Variants in PARVB observed in about 807,000 individuals in gnomAD.
PARVB encodes the protein beta-parvin.
Under a neutral mutation model 47.0 loss-of-function variants are expected in PARVB, and 46 were observed. The ratio of observed to expected loss-of-function variants is 0.98; its 90% CI spans 0.77 to 1.25. The LOEUF is 1.25. Among genes scored for constraint, PARVB ranks in the 50% most tolerant of loss-of-function variants. The probability of loss-of-function intolerance (pLI) is 0.00; values close to 1 mark genes in which losing one functional copy is unlikely to be tolerated. For missense variants in PARVB, 473 were observed against 471.6 expected (o/e 1.00, Z -0.03); for synonymous variants, 196 against 196.3 (o/e 1.00, Z 0.01).
At chr22:44,076,747 A>G (rs957102543) in intron 1 of PARVB, among the ~76,000 whole-genome samples, 1 of 151,714 alleles carries the variant, frequency 6.6e-6, no homozygotes, top group African/African-American at 2.4e-5. Flanking sequence ...CTCAGGTGAG[A>G]TGCTGAGGGC....
chr22:44,073,435 G>A (rs71330710), intron 1 of PARVB, among the ~76,000 whole-genome samples: 4 of 152,196 alleles, frequency 2.6e-5, no homozygotes, highest in African/African-American at 4.8e-5. Context: ...CAGAGGTTGC[G>A]GTGAGCGGAG....
rs1321267795 is a variant in PARVB at position 44,161,112 on chromosome 22, TGTG to T, written c.946-2745_946-2743del. On this transcript the variant is annotated intron_variant, in intron 11 of 12. Coordinates refer to ENST00000338758, the MANE Select transcript of PARVB (RefSeq NM_013327.5). ...CATCTCGATTTGGGGTCAAGCCTGT[TGTG>T]TGTGTGTGTGTGTGCACGTGTGCAT... 1.0e-4 allele frequency among the ~76,000 whole-genome samples: 15 copies of T among 149,810 alleles called. No homozygotes were observed. In the East Asian group the frequency reaches 3.0e-3, roughly 30 times the overall value.
At chr22:44,126,679 C>G (rs992212883) in intron 4 of PARVB, among the ~76,000 whole-genome samples, 2 of 152,182 alleles carry the variant, frequency 1.3e-5, no homozygotes, top group African/African-American at 2.4e-5. Flanking sequence ...AGCAGTCCCC[C>G]CAATTGGTAC....
chr22:44,024,475 G>T, intron 1 of PARVB, 24 bp downstream of exon 1: 1 of 1,114,942 alleles, frequency 9.0e-7, no homozygotes, highest in South Asian at 3.8e-5. Flanking sequence ...CGCGCCCGCC[G>T]ACCCCCGGGG....
intron 3 of PARVB, chr22:44,104,230 A>G (rs2052517399): frequency 6.6e-6 from 1 of 152,210 alleles, no homozygotes; most frequent in Non-Finnish European, 1.5e-5. Flanking sequence ...GAGACAGGCA[A>G]ATTCTGGAAG....
upstream of PARVB, among the ~76,000 whole-genome samples, chr22:44,020,069 C>T (rs889064520): frequency 1.3e-5 from 2 of 152,154 alleles, no homozygotes; most frequent in African/African-American, 2.4e-5. Flanking sequence ...AGTTCTGCAG[C>T]GGCGCCAGCT....
intron 2 of PARVB, among the ~76,000 whole-genome samples, chr22:44,001,763 C>G (rs1395781499): frequency 6.6e-6 from 1 of 152,166 alleles, no homozygotes; most frequent in Non-Finnish European, 1.5e-5. Flanking sequence ...AAATGTCTGC[C>G]AGATACCCAC....
At chr22:44,119,304 T>G (rs2052987276) in intron 4 of PARVB, among the ~76,000 whole-genome samples, 164 bp downstream of exon 4, 1 of 152,182 alleles carries the variant, frequency 6.6e-6, no homozygotes, top group Non-Finnish European at 1.5e-5. Flanking sequence ...GGGCTGTGGC[T>G]TCAGGGTCCT....
chr22:44,122,714 A>T (rs2053098335), intron 4 of PARVB, among the ~76,000 whole-genome samples: 1 of 152,128 alleles, frequency 6.6e-6, no homozygotes, highest in Non-Finnish European at 1.5e-5. Context: ...CCATATACAC[A>T]CCTACTCATT....
chr22:44,104,018 G>A (rs769098472), intron 3 of PARVB: 2 of 152,230 alleles, frequency 1.3e-5, no homozygotes, highest in African/African-American at 2.4e-5. Context: ...TGTTACAGTA[G>A]CCACAAGCAA....
chr22:44,006,722 G>C (rs2050469275), intron 2 of PARVB, among the ~76,000 whole-genome samples: 1 of 152,234 alleles, frequency 6.6e-6, no homozygotes, highest in African/African-American at 2.4e-5. Flanking sequence ...GTGCAGTCAG[G>C]ATTGAGGAGC....
At chr22:44,134,351 G>A (rs1183673147) in intron 6 of PARVB, among the ~76,000 whole-genome samples, 1 of 152,174 alleles carries the variant, frequency 6.6e-6, no homozygotes, top group Admixed American at 6.5e-5. Flanking sequence ...ACAGGCAGCC[G>A]GCCTGAAAAG....
intron 1 of PARVB, among the ~76,000 whole-genome samples, chr22:44,075,011 T>C (rs1236719651): frequency 6.6e-6 from 1 of 151,968 alleles, no homozygotes; most frequent in Non-Finnish European, 1.5e-5. Flanking sequence ...CATTGCGGGG[T>C]GTTGAGCGGC....
chr22:44,056,014 C>T (rs866219926), intron 1 of PARVB, among the ~76,000 whole-genome samples: 33 of 152,374 alleles, frequency 2.2e-4, no homozygotes, highest in African/African-American at 7.5e-4. Flanking sequence ...CCCACCCAGT[C>T]CAGGCAGCTA....
intron 9 of PARVB, chr22:44,149,051 G>C (rs1037358513): frequency 4.6e-5 from 7 of 152,114 alleles, no homozygotes; most frequent in African/African-American, 1.7e-4. Context: ...CCACTTATCA[G>C]CTGTGTGACT....
rs867052144 is a variant in PARVB at position 44,147,991 on chromosome 22, C to T, written c.774+69C>T. 4.5e-5 allele frequency: 53 copies of T among 1,174,336 alleles called. 1 individual carries two copies. The Middle Eastern group carries it at 2.9e-3, about 65-fold the overall frequency. The allele number at this position is 1,174,336 out of a possible 1,614,324, so 72.7% of individuals were successfully genotyped here. A position where few individuals can be genotyped will look rare whatever the true frequency, so the allele number is the denominator to read the frequency against. On this transcript the variant is annotated intron_variant, in intron 9 of 12. Coordinates refer to ENST00000338758, the MANE Select transcript of PARVB (RefSeq NM_013327.5). ...CGGCTTTTTGACAGCACAAACGCCC[C>T]GCTGGGAAGAAGGTGGGAAAATGTT...
intron 8 of PARVB, chr22:44,147,156 T>C (rs541598802): frequency 4.7e-5 from 8 of 168,568 alleles, no homozygotes; most frequent in Non-Finnish European, 9.1e-5. Flanking sequence ...GGAGGGTGCA[T>C]GTAGGAGGAT....
chr22:44,026,036 G>C (rs1430623117), intron 1 of PARVB, among the ~76,000 whole-genome samples: 1 of 152,248 alleles, frequency 6.6e-6, no homozygotes, highest in Admixed American at 6.5e-5. Context: ...GGACACTTGA[G>C]TGGAGGCCAG....
At chr22:44,045,881 C>T (rs1429379868) in intron 1 of PARVB, among the ~76,000 whole-genome samples, 3 of 152,142 alleles carry the variant, frequency 2.0e-5, no homozygotes, top group East Asian at 3.8e-4. Context: ...GTTCTTCAAC[C>T]TTGTGTTGGC....
Sources: allele counts gnomAD v4.1 joint callset (sites outside exome capture counted in the v4.1 genomes callset), GRCh38; gene constraint gnomAD v4.1.1; transcripts MANE v1.5; gene names NCBI Gene and HGNC (gene_info 2026-07-23, HGNC 2026-07-21).